Variants in MYO1H observed in about 807,000 individuals in gnomAD.
The protein encoded by MYO1H is unconventional myosin-Ih.
A neutral mutation model predicts 149.3 loss-of-function variants in MYO1H; 118 were observed. The observed-to-expected ratio is 0.79, with a 90% confidence interval of 0.68 to 0.92. MYO1H has a LOEUF of 0.92. MYO1H is among the 40% of genes least tolerant of loss of function. The pLI is 0.00. For missense variants in MYO1H, 1,212 were observed against 1,280.7 expected, an observed-to-expected ratio of 0.95 and a Z score of 0.82; for synonymous variants, 447 against 465.2, an observed-to-expected ratio of 0.96 and a Z score of 0.50.
At chr12:109,412,358 C>T (rs1465133394) in intron 14 of MYO1H, among the ~76,000 whole-genome samples, 1 of 152,146 alleles carries the variant, frequency 6.6e-6, no homozygotes, top group Non-Finnish European at 1.5e-5. Context: ...GGGTTTCACC[C>T]TGTTGCCCAG....
At chr12:109,420,297 C>T (rs773177742) in intron 15 of MYO1H, among the ~76,000 whole-genome samples, 9 of 151,984 alleles carry the variant, frequency 5.9e-5, no homozygotes, top group African/African-American at 1.2e-4. Flanking sequence ...ACATGTTACC[C>T]GCCCCCCGGA....
chr12:109,439,692 G>A (rs765395658), exon 24 of MYO1H: 32 of 1,613,806 alleles, frequency 2.0e-5, no homozygotes, highest in Non-Finnish European at 2.6e-5. Flanking sequence ...GGAATTTATC[G>A]TGTTTGTGCG....
chr12:109,422,536 T>C (rs1432504466), intron 16 of MYO1H, among the ~76,000 whole-genome samples: 1 of 152,180 alleles, frequency 6.6e-6, no homozygotes, highest in Non-Finnish European at 1.5e-5. Context: ...ACAGCGTTTC[T>C]CTAACAGCTT....
At chr12:109,447,767 G>C (rs1872546332) in exon 32 of MYO1H, 1 of 155,186 alleles carries the variant, frequency 6.4e-6, no homozygotes, top group Admixed American at 6.3e-5. Context: ...CGTGAGAGGA[G>C]GACATCCTGT....
At chr12:109,339,623 A>G in the MYO1H span, among the ~76,000 whole-genome samples, 2 of 152,248 alleles carry the variant, frequency 1.3e-5, no homozygotes, top group African/African-American at 4.8e-5. Context: ...GCCTTAAGAT[A>G]TAAAGAGCTC....
intron 1 of MYO1H, among the ~76,000 whole-genome samples, chr12:109,360,107 TTTC>T: frequency 6.7e-6 from 1 of 149,574 alleles, no homozygotes; most frequent in Admixed American, 6.6e-5. Context: ...CTTTTTTCTT[TTTC>T]TTCTTTCTTT....
At chr12:109,437,748 T>C (rs1312646217) in intron 22 of MYO1H, among the ~76,000 whole-genome samples, 1 of 150,674 alleles carries the variant, frequency 6.6e-6, no homozygotes, top group Non-Finnish European at 1.5e-5. Flanking sequence ...AATGCTGTTC[T>C]GAGGATTCGA....
chr12:109,443,414 A>G, intron 27 of MYO1H, 100 bp from the exon 28 acceptor site: 1 of 1,343,054 alleles, frequency 7.4e-7, no homozygotes, highest in Non-Finnish European at 1.0e-6. Context: ...AATCTGTTTG[A>G]GCTTTTCTAA....
chr12:109,349,939 C>T (rs141677436), intron 1 of MYO1H, among the ~76,000 whole-genome samples: 3,791 of 138,390 alleles, frequency 0.027, 69 homozygotes, highest in Middle Eastern at 0.075. Flanking sequence ...CCAGCCTGGG[C>T]GACAGAGCAA....
At chr12:109,426,197 A>C (rs1228306435) in intron 18 of MYO1H, 146 bp downstream of exon 18, 3 of 673,920 alleles carry the variant, frequency 4.5e-6, no homozygotes, top group Non-Finnish European at 8.0e-6. Flanking sequence ...AAATGATAGA[A>C]GTTGGCCAGA....
At chr12:109,395,850 T>C (rs1038372393) in intron 3 of MYO1H, among the ~76,000 whole-genome samples, 10 of 151,950 alleles carry the variant, frequency 6.6e-5, no homozygotes, top group African/African-American at 2.4e-4. Flanking sequence ...GATTTTTTGT[T>C]TTTTTGTTTT....
rs1259017153 is a variant in MYO1H at position 109,438,583 on chromosome 12, A to T, written c.2257A>T (p.Ile753Phe). Residue 753 changes from isoleucine to phenylalanine, a missense_variant, in exon 23 of 32, where the codon ATC becomes TTC. By Grantham distance (21) the Ile-to-Phe change is conservative. Coordinates refer to ENST00000310903, the Ensembl canonical transcript of MYO1H. ...GCGTGGGGCCCTGGCTCGGAAGGCAATCCAAAGGAGAAAGTGGGCCGTGCG... is the reference window on the plus strand; with the variant it reads ...GCGTGGGGCCCTGGCTCGGAAGGCATTCCAAAGGAGAAAGTGGGCCGTGCG... The T allele has an allele frequency of 5.6e-6, 9 of 1,613,304 alleles. No homozygotes were observed. The Admixed American group carries it at 1.5e-4, about 27-fold the overall frequency.
the MYO1H span, among the ~76,000 whole-genome samples, chr12:109,320,275 C>T: frequency 6.6e-6 from 1 of 152,008 alleles, no homozygotes; most frequent in Non-Finnish European, 1.5e-5. Flanking sequence ...TATTGTTCCA[C>T]TGCACTCCAG....
At chr12:109,355,716 T>G (rs962522764) in intron 1 of MYO1H, among the ~76,000 whole-genome samples, 2 of 151,106 alleles carry the variant, frequency 1.3e-5, no homozygotes, top group African/African-American at 4.9e-5. Context: ...TCTTTGTTTG[T>G]TTTTTGGTTT....
intron 19 of MYO1H, among the ~76,000 whole-genome samples, chr12:109,428,187 C>T (rs892641070): frequency 1.3e-5 from 2 of 151,710 alleles, no homozygotes; most frequent in African/African-American, 4.8e-5. Flanking sequence ...AAGGGCAAGG[C>T]CAAGTGCGTA....
At chr12:109,432,814 A>C in intron 19 of MYO1H, 83 bp from the exon 20 acceptor site, 1 of 1,140,488 alleles carries the variant, frequency 8.8e-7, no homozygotes, top group South Asian at 1.3e-5. Flanking sequence ...AGCAGTGCTC[A>C]GCAGGCCTCT....
chr12:109,417,472 T>C (rs7134590), intron 15 of MYO1H, among the ~76,000 whole-genome samples: 26,387 of 150,000 alleles, frequency 0.18, 2,654 homozygotes, highest in African/African-American at 0.28. Context: ...GGACTACAGG[T>C]GCCCGCCACC....
chr12:109,317,431 C>G, the MYO1H span, among the ~76,000 whole-genome samples: 4 of 152,264 alleles, frequency 2.6e-5, no homozygotes, highest in African/African-American at 9.6e-5. Flanking sequence ...GTAAGTTCTC[C>G]TAATCTCTAT....
At chr12:109,350,084 C>G (rs1868432440) in intron 1 of MYO1H, among the ~76,000 whole-genome samples, 1 of 151,920 alleles carries the variant, frequency 6.6e-6, no homozygotes, top group Non-Finnish European at 1.5e-5. Flanking sequence ...AAATGAAGAA[C>G]TGAAGCACCA....
Sources: gnomAD v4.1 joint callset for allele counts (sites outside exome capture counted in the v4.1 genomes callset) on GRCh38, gnomAD v4.1.1 for gene constraint, MANE v1.5 for transcripts, NCBI Gene and HGNC (gene_info 2026-07-23, HGNC 2026-07-21) for gene names.